R3HDM1: variants seen among roughly 807,000 people sequenced by gnomAD.
The protein encoded by R3HDM1 is R3H domain-containing protein 1.
R3HDM1 carries 46 observed loss-of-function variants against 141.1 expected under a neutral mutation model. The ratio of observed to expected loss-of-function variants is 0.33; its 90% CI spans 0.26 to 0.42. The LOEUF is 0.42. Ranked by LOEUF, R3HDM1 falls within the 10% of genes least tolerant of loss-of-function variation. The pLI, the probability that R3HDM1 is intolerant of heterozygous loss-of-function variation, is 1.00. For synonymous variants in R3HDM1, 435 were observed against 472.9 expected (o/e 0.92, Z 1.04); for missense variants, 1,184 against 1,368.3 (o/e 0.87, Z 2.12).
In R3HDM1 at chr2:135,665,392, G is replaced by T. The variant is rs1335958608; in HGVS notation, c.2152+3999G>T. ...TTAATATTTTGCAATAATTGGCCTT[G>T]TTCCTGAGCTGTTGGATTCGGGGCC... On this transcript the variant is annotated intron_variant, in intron 19 of 26. Coordinates refer to ENST00000683871, the MANE Select transcript of R3HDM1 (RefSeq NM_001378107.1). 7.5e-6 allele frequency: 4 copies of T among 530,604 alleles called. 1 individual carries two copies. The highest frequency in any genetic ancestry group is 5.6e-5 in the South Asian group (4 of 70,860). 32.9% of individuals were successfully genotyped at this position (530,604 alleles called of 1,614,324 possible).
intron 11 of R3HDM1, 88 bp downstream of exon 11, chr2:135,636,271 A>G (rs2063237960): frequency 6.8e-7 from 1 of 1,480,000 alleles, no homozygotes; most frequent in Non-Finnish European, 9.0e-7. Context: ...TATTGATCAC[A>G]TTTATTTTTA....
intron 21 of R3HDM1, among the ~76,000 whole-genome samples, chr2:135,691,917 T>C (rs1263358304): frequency 6.6e-6 from 1 of 150,770 alleles, no homozygotes; most frequent in Non-Finnish European, 1.5e-5. Context: ...GTTTGTTTCT[T>C]TTTTTTTTAT....
chr2:135,690,655 CTGCTAAAACAT>C (rs1340507805), intron 21 of R3HDM1, among the ~76,000 whole-genome samples: 4 of 152,166 alleles, frequency 2.6e-5, no homozygotes, highest in Admixed American at 2.6e-4. Context: ...GTTACTTTCA[CTGCTAAAACAT>C]TGCCTTTTCA....
Position 135,585,227 on chromosome 2 carries a change from G to A in R3HDM1, c.-249-17273G>A, listed in dbSNP as rs559683389. On this transcript the variant is annotated intron_variant, in intron 1 of 26. Coordinates refer to ENST00000683871, the MANE Select transcript of R3HDM1 (RefSeq NM_001378107.1). Reference sequence around the variant, plus strand: ...GTATTTTTAACAATCTACTTCTAGGGCCGAGTCTATTTTTGGAAAGGTGTT... The same window carrying A: ...GTATTTTTAACAATCTACTTCTAGGACCGAGTCTATTTTTGGAAAGGTGTT... 2.2e-4 allele frequency among the ~76,000 whole-genome samples: 33 copies of A among 152,274 alleles called. No individual in the cohort carries two copies. The South Asian group carries it at 5.8e-3, about 27-fold the overall frequency.
chr2:135,626,561 A>G (rs779020670), intron 7 of R3HDM1, among the ~76,000 whole-genome samples: 24 of 152,216 alleles, frequency 1.6e-4, no homozygotes, highest in Non-Finnish European at 2.6e-4. Context: ...CCTGTGGGAA[A>G]GACATCAGCA....
intron 1 of R3HDM1, among the ~76,000 whole-genome samples, chr2:135,545,043 G>T (rs1243087038): frequency 1.3e-5 from 2 of 152,142 alleles, no homozygotes; most frequent in East Asian, 3.8e-4. Context: ...CCTCCTTAAT[G>T]ATTCCATAAA....
At chr2:135,648,267 C>A (rs962554403) in intron 16 of R3HDM1, among the ~76,000 whole-genome samples, 1 of 151,654 alleles carries the variant, frequency 6.6e-6, no homozygotes, top group Non-Finnish European at 1.5e-5. Context: ...GATTTTTTTG[C>A]TTTCTTTTAA....
chr2:135,620,369 C>T (rs1291399061), intron 5 of R3HDM1: 26 of 847,922 alleles, frequency 3.1e-5, no homozygotes, highest in Non-Finnish European at 3.7e-5. Flanking sequence ...GAAAATGAAT[C>T]ACAATAAGAA....
chr2:135,533,918 C>G (rs183037510), intron 1 of R3HDM1: 1 of 833,132 alleles, frequency 1.2e-6, no homozygotes, highest in Non-Finnish European at 1.4e-6. Flanking sequence ...ATGTAAATCC[C>G]CTAGCATTGT....
rs144638237 is a variant in R3HDM1, at chr2:135,555,732, C to A, written c.-250+24099C>A. Among the ~76,000 whole-genome samples the A allele has an allele frequency of 3.0e-3, 452 of 152,244 alleles. 2 individuals carry two copies. The highest frequency in any genetic ancestry group is 0.01 in the African/African-American group (428 of 41,542). On this transcript the variant is annotated intron_variant, in intron 1 of 26. Transcript: ENST00000683871. ...TGCAGTAGAACATTGTATGACAATACGAAGCAATGAAGGGCCAGGCGAGTG... is the reference window on the plus strand; with the variant it reads ...TGCAGTAGAACATTGTATGACAATAAGAAGCAATGAAGGGCCAGGCGAGTG...
chr2:135,679,066 CTTTTTTTTTTT>C (rs141175748), intron 20 of R3HDM1, among the ~76,000 whole-genome samples: 41 of 70,578 alleles, frequency 5.8e-4, no homozygotes, highest in South Asian at 1.2e-3. Flanking sequence ...GCCCGGCTTT[CTTTTTTTTTTT>C]TTTTTTTTTT....
chr2:135,582,753 T>A (rs560522084), intron 1 of R3HDM1, among the ~76,000 whole-genome samples: 1 of 152,244 alleles, frequency 6.6e-6, no homozygotes, highest in Non-Finnish European at 1.5e-5. Flanking sequence ...TAGGAGAATG[T>A]TGTATATTTG....
chr2:135,670,759 A>G lies in R3HDM1; in HGVS notation c.2153-4573A>G, dbSNP rs543272584. ...TTTTTATAAAAGATATTAAGTCTAC[A>G]TTTTTAAAAATATTCAGGCCAGGTG... On this transcript the variant is annotated intron_variant, in intron 19 of 26. Transcript: ENST00000683871. 2.6e-5 allele frequency among the ~76,000 whole-genome samples: 4 copies of G among 152,260 alleles called. No homozygotes were observed. In the East Asian group the frequency reaches 7.7e-4, roughly 29 times the overall value.
At chr2:135,637,731 G>T (rs2105236283) in intron 11 of R3HDM1, among the ~76,000 whole-genome samples, 1 of 152,256 alleles carries the variant, frequency 6.6e-6, no homozygotes, top group African/African-American at 2.4e-5. Context: ...GAAATGAGAT[G>T]ACTTGGTCCT....
intron 19 of R3HDM1, among the ~76,000 whole-genome samples, chr2:135,671,961 G>T (rs2068435025): frequency 1.3e-5 from 2 of 151,332 alleles, no homozygotes; most frequent in Admixed American, 1.3e-4. Context: ...GGCCGATAGA[G>T]TGAGACTCTG....
At chr2:135,630,844 G>A (rs1216656605) in intron 7 of R3HDM1, among the ~76,000 whole-genome samples, 2 of 151,788 alleles carry the variant, frequency 1.3e-5, no homozygotes, top group Non-Finnish European at 2.9e-5. Context: ...TTTCCAATTA[G>A]CACAGGAAAA....
rs576179566 is a variant in R3HDM1, at chr2:135,548,631, C to T, written c.-250+16998C>T. Among the ~76,000 whole-genome samples the T allele has an allele frequency of 2.2e-4, 33 of 152,124 alleles. No homozygotes were observed. In the South Asian group the frequency reaches 5.8e-3, roughly 27 times the overall value. On this transcript the variant is annotated intron_variant, in intron 1 of 26. Coordinates refer to ENST00000683871, the MANE Select transcript of R3HDM1 (RefSeq NM_001378107.1). ...ACAACCAAAATTTCCGATTCTTTTC[C>T]ATCATATATTTGGCTGTCTAGGATT...
chr2:135,706,129 G>GAAA (rs1202285123), intron 21 of R3HDM1, among the ~76,000 whole-genome samples: 1 of 95,086 alleles, frequency 1.1e-5, no homozygotes. Flanking sequence ...ACTCCATCTC[G>GAAA]AAAAAAAAAA....
At chr2:135,706,530 C>T (rs1481986266) in intron 21 of R3HDM1, among the ~76,000 whole-genome samples, 2 of 152,070 alleles carry the variant, frequency 1.3e-5, no homozygotes, top group Non-Finnish European at 2.9e-5. Context: ...TGCGGCCTTA[C>T]GCAGTGTTTG....
Sources: allele counts gnomAD v4.1 joint callset (sites outside exome capture counted in the v4.1 genomes callset), GRCh38; gene constraint gnomAD v4.1.1; transcripts MANE v1.5; gene names NCBI Gene and HGNC (gene_info 2026-07-23, HGNC 2026-07-21).